LEF1: variants seen among roughly 807,000 people sequenced by gnomAD.
LEF1 encodes lymphoid enhancer binding factor 1, also known as lymphoid enhancer-binding factor 1.
In LEF1, 14 loss-of-function variants were observed where a neutral mutation model predicts 51.2. That is an observed-to-expected ratio of 0.27 (90% CI 0.18 to 0.43). The LOEUF is 0.43. Among genes scored for constraint, LEF1 ranks in the 20% least tolerant of loss-of-function variants. The probability of loss-of-function intolerance (pLI) is 1.00; values close to 1 mark genes in which losing one functional copy is unlikely to be tolerated. For synonymous variants in LEF1, 185 were observed against 183.2 expected (o/e 1.01, Z -0.08); for missense variants, 386 against 512.0 (o/e 0.75, Z 2.37).
At chr4:108,048,972 G>A (rs922333229) in intron 11 of LEF1, among the ~76,000 whole-genome samples, 1 of 152,100 alleles carries the variant, frequency 6.6e-6, no homozygotes, top group Admixed American at 6.5e-5. Context: ...CCATGTATAC[G>A]TATGCCCAGA....
At chr4:108,166,238 C>A (rs372793544) in intron 1 of LEF1, 4 of 1,534,088 alleles carry the variant, frequency 2.6e-6, no homozygotes, top group Non-Finnish European at 3.5e-6. Flanking sequence ...GTTCTCTGAA[C>A]GCAGGCCCCC....
At chr4:108,153,638 G>A (rs1448657202) in intron 3 of LEF1, among the ~76,000 whole-genome samples, 1 of 152,184 alleles carries the variant, frequency 6.6e-6, no homozygotes, top group South Asian at 2.1e-4. Flanking sequence ...CTAAAAAGGT[G>A]CATTGCCTTT....
chr4:108,095,438 C>T (rs1484925079), intron 3 of LEF1, among the ~76,000 whole-genome samples: 1 of 152,058 alleles, frequency 6.6e-6, no homozygotes, highest in Non-Finnish European at 1.5e-5. Flanking sequence ...GGATCTGTGC[C>T]GGCATTTGTT....
chr4:108,140,973 A>G (rs115182574), intron 3 of LEF1, among the ~76,000 whole-genome samples: 458 of 152,336 alleles, frequency 3.0e-3, no homozygotes, highest in African/African-American at 0.011. Flanking sequence ...TGCTTTTTTG[A>G]GACAAGTTTA....
At chr4:108,165,209 G>C (rs753829012) in intron 1 of LEF1, 46 bp from the exon 2 acceptor site, 1 of 1,568,550 alleles carries the variant, frequency 6.4e-7, no homozygotes, top group African/African-American at 1.3e-5. Flanking sequence ...AATCACCTTA[G>C]AGTTTGTGAC....
At chr4:108,133,345 G>A (rs2110356286) in intron 3 of LEF1, among the ~76,000 whole-genome samples, 1 of 152,298 alleles carries the variant, frequency 6.6e-6, no homozygotes, top group African/African-American at 2.4e-5. Flanking sequence ...TTATTTAAAT[G>A]TGACAGTGAC....
chr4:108,107,264 G>A (rs537227334), intron 3 of LEF1, among the ~76,000 whole-genome samples: 1 of 149,730 alleles, frequency 6.7e-6, no homozygotes, highest in African/African-American at 2.5e-5. Flanking sequence ...ACAGAGAAAG[G>A]TGTTTTTTTT....
intron 3 of LEF1, among the ~76,000 whole-genome samples, chr4:108,162,139 A>T (rs1745100375): frequency 6.6e-6 from 1 of 152,174 alleles, no homozygotes; most frequent in Non-Finnish European, 1.5e-5. Flanking sequence ...TCACACAGAC[A>T]TCTTTATCAT....
chr4:108,134,071 G>A (rs772446237), intron 3 of LEF1, among the ~76,000 whole-genome samples: 3 of 151,338 alleles, frequency 2.0e-5, no homozygotes, highest in South Asian at 2.1e-4. Context: ...TTGTATTTTC[G>A]CAGTGAAGCA....
chr4:108,065,237 G>A lies in LEF1; in HGVS notation c.1117-853C>T, dbSNP rs148073039. On this transcript the variant is annotated intron_variant, in intron 9 of 11. Transcript: ENST00000265165. ...TGTGGTGGCTCACACCTGTAATCCC[G>A]GCACTTCAGGAAGCCGAGGTGAGCA... Among the ~76,000 whole-genome samples the A allele has an allele frequency of 2.8e-3, 419 of 152,182 alleles. 2 individuals are homozygous for A. The highest frequency in any genetic ancestry group is 5.0e-3 in the Admixed American group (76 of 15,280).
intron 3 of LEF1, among the ~76,000 whole-genome samples, chr4:108,110,256 T>C (rs1578355175): frequency 1.3e-5 from 2 of 152,212 alleles, no homozygotes; most frequent in East Asian, 3.9e-4. Flanking sequence ...TTATAAACCA[T>C]TTCCTTATAG....
At chr4:108,058,642 T>C (rs1468771604) in intron 11 of LEF1, among the ~76,000 whole-genome samples, 1 of 152,222 alleles carries the variant, frequency 6.6e-6, no homozygotes, top group Non-Finnish European at 1.5e-5. Flanking sequence ...CTCCGATTTA[T>C]ATACTTCTTA....
At position 108,167,392 on chromosome 4, in the gene LEF1, ACACT is replaced by A; in HGVS notation, c.213+159_213+162del. On this transcript the variant is annotated intron_variant, in intron 1 of 11. Coordinates refer to ENST00000265165, the MANE Select transcript of LEF1 (RefSeq NM_016269.5). The surrounding 1 kb of genome is among the most constrained non-coding windows in gnomAD (Gnocchi z 5.7). ...CACACACACACACACACACACACAC[ACACT>A]GCGGACCGGGGGCCCAGCTACGCAC... The A allele has an allele frequency of 6.4e-6, 4 of 627,348 alleles. No individual in the cohort carries two copies. The highest frequency in any genetic ancestry group is 1.9e-5 in the South Asian group (1 of 53,400). The allele number at this position is 627,348 out of a possible 1,614,324, so 38.9% of individuals were successfully genotyped here.
intron 3 of LEF1, among the ~76,000 whole-genome samples, chr4:108,096,955 G>A (rs541402985): frequency 6.6e-6 from 1 of 151,958 alleles, no homozygotes; most frequent in African/African-American, 2.4e-5. Context: ...TGGTGGCGTG[G>A]GTATAAAGAA....
chr4:108,143,029 C>CT lies in LEF1; in HGVS notation c.414+20538dup, dbSNP rs558204577. 1.7e-3 allele frequency among the ~76,000 whole-genome samples: 266 copies of CT among 152,318 alleles called. 2 individuals are homozygous for CT. The highest frequency in any genetic ancestry group is 2.9e-3 in the Non-Finnish European group (200 of 68,020). On this transcript the variant is annotated intron_variant, in intron 3 of 11. Coordinates refer to ENST00000265165, the MANE Select transcript of LEF1 (RefSeq NM_016269.5). Reference sequence around the variant, plus strand: ...GAAATGACTATGAAATAACTGCTTCCTTTCATTCTGCACAAAACTTCTTAG... The same window carrying CT: ...GAAATGACTATGAAATAACTGCTTCCTTTTCATTCTGCACAAAACTTCTTAG...
intron 3 of LEF1, among the ~76,000 whole-genome samples, chr4:108,115,108 T>A (rs1177639555): frequency 1.3e-5 from 2 of 152,254 alleles, no homozygotes; most frequent in Admixed American, 1.3e-4. Flanking sequence ...TAAAGATCTA[T>A]GTCCACATAT....
rs2126285410 is a variant in LEF1 at position 108,078,209 on chromosome 4, C to T, written c.1008+11G>A. ...CTACCATGAACATTTACACATGACTCGGCTACTTACCCTTCTGCCAAGAAT... is the reference window on the plus strand; with the variant it reads ...CTACCATGAACATTTACACATGACTTGGCTACTTACCCTTCTGCCAAGAAT... On this transcript the variant is annotated intron_variant, in intron 8 of 11. Transcript: ENST00000265165. The T allele has an allele frequency of 6.2e-7, 1 of 1,613,336 alleles. No homozygotes were observed. The highest frequency in any genetic ancestry group is 8.5e-7 in the Non-Finnish European group (1 of 1,179,666).
rs560917322 is a variant in LEF1 at position 108,048,474 on chromosome 4, A to T, written c.*284T>A. On this transcript the variant is annotated 3_prime_UTR_variant, in exon 12 of 12. Coordinates refer to ENST00000265165, the MANE Select transcript of LEF1 (RefSeq NM_016269.5). Reference sequence around the variant, plus strand: ...CTCAGCTGCCCCACAGCCTGCTAGCATTCTCATGTGCTTTTACATTTCCTT... The same window carrying T: ...CTCAGCTGCCCCACAGCCTGCTAGCTTTCTCATGTGCTTTTACATTTCCTT... 2.5e-6 allele frequency: 1 copy of T among 394,804 alleles called. No individual in the cohort carries two copies. The highest frequency in any genetic ancestry group is 9.2e-5 in the South Asian group (1 of 10,866). The allele number at this position is 394,804 out of a possible 1,614,324, so 24.5% of individuals were successfully genotyped here.
chr4:108,062,618 CA>C (rs1366051305), intron 11 of LEF1, among the ~76,000 whole-genome samples: 4 of 152,148 alleles, frequency 2.6e-5, no homozygotes, highest in Admixed American at 2.6e-4. Flanking sequence ...AAGTGATGCA[CA>C]ATCTGAGTTG....
Sources: gnomAD v4.1 joint callset for allele counts (sites outside exome capture counted in the v4.1 genomes callset) on GRCh38, gnomAD v4.1.1 for gene constraint, Gnocchi (gnomAD v3.1) non-coding constraint, MANE v1.5 for transcripts, NCBI Gene and HGNC (gene_info 2026-07-23, HGNC 2026-07-21) for gene names.